Variants in IQCM observed in about 807,000 individuals in gnomAD.
IQCM encodes IQ domain-containing protein M.
A neutral mutation model predicts 57.6 loss-of-function variants in IQCM; 45 were observed. That is an observed-to-expected ratio of 0.78 (90% CI 0.62 to 1.00). IQCM has a LOEUF of 1.00. IQCM is among the 50% of genes least tolerant of loss of function. IQCM has a pLI of 0.00. For missense variants in IQCM, 468 were observed against 511.6 expected, an observed-to-expected ratio of 0.91 and a Z score of 0.82; for synonymous variants, 148 against 158.9, an observed-to-expected ratio of 0.93 and a Z score of 0.51.
intron 5 of IQCM, among the ~76,000 whole-genome samples, chr4:149,698,979 T>C (rs1314829356): frequency 6.6e-6 from 1 of 152,084 alleles, no homozygotes; most frequent in Non-Finnish European, 1.5e-5. Flanking sequence ...ACATAGTAAG[T>C]ACTCAATAAA....
At chr4:149,441,551 G>C (rs575533849) in intron 12 of IQCM, among the ~76,000 whole-genome samples, 112 of 152,214 alleles carry the variant, frequency 7.4e-4, no homozygotes, top group Middle Eastern at 3.4e-3. Flanking sequence ...AGTAGCATGG[G>C]TTAGCAGCTG....
At chr4:149,539,686 C>A (rs1418430787) in intron 12 of IQCM, among the ~76,000 whole-genome samples, 1 of 152,066 alleles carries the variant, frequency 6.6e-6, no homozygotes, top group East Asian at 1.9e-4. Flanking sequence ...CATGGTGAAA[C>A]CCCGTCTCTA....
intron 7 of IQCM, among the ~76,000 whole-genome samples, chr4:149,666,705 C>T (rs747253646): frequency 6.6e-5 from 10 of 152,124 alleles, no homozygotes; most frequent in Admixed American, 1.3e-4. Flanking sequence ...CAGCACAGCA[C>T]GCTGAAGTTG....
intron 12 of IQCM, among the ~76,000 whole-genome samples, chr4:149,520,989 T>C (rs1006642413): frequency 6.6e-6 from 1 of 152,138 alleles, no homozygotes; most frequent in East Asian, 1.9e-4. Flanking sequence ...CAAACTACCC[T>C]GAGTTCTGTG....
Position 149,733,388 on chromosome 4 carries a change from G to C in IQCM, c.241C>G (p.Arg81Gly). 12 of 1,231,774 alleles carry C rather than the reference G, an allele frequency of 9.7e-6. No individual in the cohort carries two copies. Among genetic ancestry groups the C allele is most frequent in the Non-Finnish European group, 1.2e-5 (12 of 987,754 alleles). 76.3% of individuals were successfully genotyped at this position (1,231,774 alleles called of 1,614,324 possible). A position where few individuals can be genotyped will look rare whatever the true frequency, so the allele number is the denominator to read the frequency against. The stretch of plus-strand genomic sequence containing the variant: ...AAGCAAATCCTTCTGAGTGCGGCCC[G>C]ATGTTCTTGCACCACATCACGTGTT... ...KVTRDVVQEHRAALRRICFPK... is the reference protein window; with the variant it reads ...KVTRDVVQEHGAALRRICFPK... Residue 81 changes from arginine to glycine, a missense_variant, in exon 5 of 14, where the codon CGG becomes GGG. By Grantham distance (125) the Arg-to-Gly change is moderately radical (BLOSUM62 -2). Transcript: ENST00000636793.
At chr4:149,643,794 G>A (rs1291249991) in intron 7 of IQCM, among the ~76,000 whole-genome samples, 2 of 152,130 alleles carry the variant, frequency 1.3e-5, no homozygotes, top group African/African-American at 4.8e-5. Flanking sequence ...TTTCCTAGAT[G>A]CTATAACTAG....
chr4:149,671,728 G>A (rs1194606560), intron 7 of IQCM, among the ~76,000 whole-genome samples: 1 of 152,100 alleles, frequency 6.6e-6, no homozygotes, highest in African/African-American at 2.4e-5. Context: ...CCTTCATTTC[G>A]TTATGTACCC....
chr4:149,618,304 G>C (rs1041455251), intron 8 of IQCM, among the ~76,000 whole-genome samples: 2 of 152,114 alleles, frequency 1.3e-5, no homozygotes, highest in African/African-American at 4.8e-5. Context: ...GCCATATGCA[G>C]AAGAATAAAA....
chr4:149,771,367 A>T (rs1054622172), intron 2 of IQCM, among the ~76,000 whole-genome samples: 6 of 152,104 alleles, frequency 3.9e-5, no homozygotes. Context: ...AAAGCTAAAG[A>T]CAAAGACGGC....
chr4:149,473,516 C>A (rs1739824629), intron 12 of IQCM, among the ~76,000 whole-genome samples: 1 of 152,212 alleles, frequency 6.6e-6, no homozygotes, highest in African/African-American at 2.4e-5. Flanking sequence ...AACAGTTTTA[C>A]AGTGTTGGTG....
At chr4:149,764,177 G>A (rs867670338) in intron 2 of IQCM, among the ~76,000 whole-genome samples, 19 of 152,142 alleles carry the variant, frequency 1.2e-4, no homozygotes, top group Non-Finnish European at 1.9e-4. Flanking sequence ...TTCGAGGTCC[G>A]TCTAACCTTG....
chr4:149,540,756 C>A (rs1747774815), intron 12 of IQCM, among the ~76,000 whole-genome samples: 1 of 152,008 alleles, frequency 6.6e-6, no homozygotes, highest in Admixed American at 6.6e-5. Context: ...CTTATAAGAT[C>A]CTTATAAGAA....
intron 5 of IQCM, among the ~76,000 whole-genome samples, chr4:149,719,285 A>G (rs1765247293): frequency 1.3e-5 from 2 of 151,972 alleles, no homozygotes; most frequent in Non-Finnish European, 2.9e-5. Flanking sequence ...TGGAGGTTGC[A>G]GTGACCCAAG....
chr4:149,732,941 G>A (rs768758895), intron 5 of IQCM, among the ~76,000 whole-genome samples: 8 of 152,170 alleles, frequency 5.3e-5, no homozygotes, highest in Non-Finnish European at 8.8e-5. Flanking sequence ...GTCCATGGCT[G>A]CTTTAGCATC....
At chr4:149,413,320 T>A (rs1733516021) in intron 13 of IQCM, among the ~76,000 whole-genome samples, 1 of 152,018 alleles carries the variant, frequency 6.6e-6, no homozygotes, top group Admixed American at 6.6e-5. Flanking sequence ...GAGAATAGAT[T>A]GAAAAAGGAA....
chr4:149,436,879 T>C (rs1344496078), intron 12 of IQCM, among the ~76,000 whole-genome samples: 2 of 152,136 alleles, frequency 1.3e-5, no homozygotes, highest in African/African-American at 4.8e-5. Flanking sequence ...ATAACATAGT[T>C]GCCAGTATTT....
intron 5 of IQCM, among the ~76,000 whole-genome samples, chr4:149,701,400 T>G (rs1362148124): frequency 6.6e-6 from 1 of 152,046 alleles, no homozygotes; most frequent in African/African-American, 2.4e-5. Context: ...CCTCACAGCA[T>G]GGGACGAGGT....
chr4:149,532,048 A>G (rs1234050237), intron 12 of IQCM, among the ~76,000 whole-genome samples: 2 of 151,952 alleles, frequency 1.3e-5, no homozygotes, highest in African/African-American at 2.4e-5. Flanking sequence ...TCCTAATCTT[A>G]TTTAATCCCC....
At chr4:149,661,248 G>A (rs929955094) in intron 7 of IQCM, among the ~76,000 whole-genome samples, 6 of 152,000 alleles carry the variant, frequency 3.9e-5, no homozygotes, top group Non-Finnish European at 7.4e-5. Context: ...TGTTAATGTG[G>A]TATATCACAT....
Sources: allele counts gnomAD v4.1 joint callset (sites outside exome capture counted in the v4.1 genomes callset), GRCh38; gene constraint gnomAD v4.1.1; transcripts MANE v1.5; gene names NCBI Gene and HGNC (gene_info 2026-07-23, HGNC 2026-07-21).